The following TMEM217B variants were observed in gnomAD, a reference collection of about 807,000 sequenced individuals.
TMEM217B encodes putative transmembrane protein 217B.
chr6:37,244,967 A>G, the TMEM217B span, among the ~76,000 whole-genome samples: 1 of 152,158 alleles, frequency 6.6e-6, no homozygotes, highest in African/African-American at 2.4e-5. Context: ...CATGTTTTTC[A>G]TCATCCAGCA....
the TMEM217B span, among the ~76,000 whole-genome samples, chr6:37,255,679 G>A: frequency 1.4e-5 from 2 of 147,880 alleles, no homozygotes; most frequent in Non-Finnish European, 3.0e-5. Flanking sequence ...GCAAGACCTG[G>A]TCTCAAAAAA....
At chr6:37,221,297 G>A in the TMEM217B span, among the ~76,000 whole-genome samples, 2 of 151,446 alleles carry the variant, frequency 1.3e-5, no homozygotes, top group South Asian at 2.1e-4. Context: ...AGCGATTCTC[G>A]TGCCTCAGCC....
chr6:37,243,208 A>C, the TMEM217B span, among the ~76,000 whole-genome samples: 1 of 152,238 alleles, frequency 6.6e-6, no homozygotes, highest in African/African-American at 2.4e-5. Context: ...TTAATTTGGC[A>C]AGGGCTATTA....
the TMEM217B span, among the ~76,000 whole-genome samples, chr6:37,229,164 G>T: frequency 2.0e-5 from 3 of 151,820 alleles, no homozygotes; most frequent in African/African-American, 7.3e-5. Flanking sequence ...AGGTGTATTT[G>T]TATTATTTAT....
chr6:37,255,692 A>G, the TMEM217B span, among the ~76,000 whole-genome samples: 1 of 151,984 alleles, frequency 6.6e-6, no homozygotes, highest in Non-Finnish European at 1.5e-5. Flanking sequence ...TCAAAAAAAA[A>G]AAAAAAGGTC....
chr6:37,246,728 C>A, the TMEM217B span, among the ~76,000 whole-genome samples: 15 of 152,116 alleles, frequency 9.9e-5, no homozygotes, highest in Non-Finnish European at 2.2e-4. Flanking sequence ...CATAGTGAGA[C>A]CCTATCTCTA....
At chr6:37,239,845 A>T in the TMEM217B span, among the ~76,000 whole-genome samples, 1 of 151,810 alleles carries the variant, frequency 6.6e-6, no homozygotes. Context: ...ACTTAAGCCC[A>T]GGGGTTTCAG....
chr6:37,212,452 G>T, the TMEM217B span: 8 of 442,004 alleles, frequency 1.8e-5, no homozygotes, highest in Non-Finnish European at 3.2e-5. Flanking sequence ...CAGACGGACA[G>T]GTAGTCATGA....
the TMEM217B span, chr6:37,215,134 G>T: frequency 1.3e-6 from 2 of 1,597,020 alleles, no homozygotes; most frequent in Non-Finnish European, 1.7e-6. Context: ...TATAATAATG[G>T]CCTAACTTCC....
chr6:37,219,478 T>C, the TMEM217B span, among the ~76,000 whole-genome samples: 3 of 152,188 alleles, frequency 2.0e-5, no homozygotes, highest in Non-Finnish European at 4.4e-5. Flanking sequence ...CAGTGGCTCA[T>C]GCCTGTAATC....
the TMEM217B span, chr6:37,218,856 A>C: frequency 6.2e-7 from 1 of 1,614,176 alleles, no homozygotes; most frequent in Non-Finnish European, 8.5e-7. Context: ...CAGATGATGA[A>C]GTTATTTATG....
the TMEM217B span, among the ~76,000 whole-genome samples, chr6:37,235,989 A>T: frequency 6.6e-6 from 1 of 152,218 alleles, no homozygotes; most frequent in African/African-American, 2.4e-5. Flanking sequence ...CTTTATGTAG[A>T]GTTTAAAATA....
At chr6:37,251,986 C>T in the TMEM217B span, among the ~76,000 whole-genome samples, 3 of 152,092 alleles carry the variant, frequency 2.0e-5, no homozygotes, top group Non-Finnish European at 4.4e-5. Flanking sequence ...CTCCACCTCC[C>T]AGGTTCAAGC....
At chr6:37,250,382 A>G in the TMEM217B span, among the ~76,000 whole-genome samples, 23 of 152,190 alleles carry the variant, frequency 1.5e-4, no homozygotes, top group African/African-American at 5.5e-4. Flanking sequence ...CAAACTGTGC[A>G]TATTAGTTTT....
the TMEM217B span, among the ~76,000 whole-genome samples, chr6:37,234,226 A>G: frequency 2.1e-4 from 32 of 151,900 alleles, no homozygotes; most frequent in East Asian, 6.0e-3. Context: ...CAGCCTCCCA[A>G]GTAGCTGGGA....
At chr6:37,222,485 G>C in the TMEM217B span, among the ~76,000 whole-genome samples, 2 of 152,176 alleles carry the variant, frequency 1.3e-5, no homozygotes, top group Non-Finnish European at 2.9e-5. Flanking sequence ...AGAGACGCCC[G>C]GGTCCTGCAC....
the TMEM217B span, among the ~76,000 whole-genome samples, chr6:37,245,266 A>C: frequency 5.1e-4 from 77 of 152,346 alleles, no homozygotes; most frequent in African/African-American, 1.6e-3. Flanking sequence ...GGGTCACTGA[A>C]GACACTGCCA....
the TMEM217B span, among the ~76,000 whole-genome samples, chr6:37,245,457 C>T: frequency 6.6e-6 from 1 of 152,230 alleles, no homozygotes; most frequent in East Asian, 1.9e-4. Flanking sequence ...CCTCCCGATT[C>T]GAAGTCTAGA....
chr6:37,237,413 C>A, the TMEM217B span, among the ~76,000 whole-genome samples: 20 of 152,324 alleles, frequency 1.3e-4, no homozygotes, highest in South Asian at 4.1e-3. Flanking sequence ...GTCAGCCTCT[C>A]TCTGGTAGCC....
Sources: allele counts gnomAD v4.1 joint callset (sites outside exome capture counted in the v4.1 genomes callset), GRCh38; gene constraint gnomAD v4.1.1; transcripts MANE v1.5; gene names NCBI Gene and HGNC (gene_info 2026-07-23, HGNC 2026-07-21).